NFIB: variants seen among roughly 807,000 people sequenced by gnomAD.
The protein encoded by NFIB is nuclear factor I B, also known as nuclear factor 1 B-type.
Under a neutral mutation model 61.5 loss-of-function variants are expected in NFIB, and 11 were observed. The ratio of observed to expected loss-of-function variants is 0.18; its 90% CI spans 0.11 to 0.30. The LOEUF (loss-of-function observed/expected upper bound fraction) is 0.30. NFIB is among the 10% of genes least tolerant of loss of function. The pLI is 1.00. For synonymous variants in NFIB, 260 were observed against 216.5 expected, an observed-to-expected ratio of 1.20 and a Z score of -1.76; for missense variants, 471 against 608.9, an observed-to-expected ratio of 0.77 and a Z score of 2.38.
At chr9:14,416,580 A>T in the NFIB span, among the ~76,000 whole-genome samples, 9 of 152,202 alleles carry the variant, frequency 5.9e-5, no homozygotes, top group South Asian at 6.2e-4. Flanking sequence ...TAAAGAAAAA[A>T]TTTTTTACAG....
At chr9:14,369,083 C>G (rs1419186089) in intron 1 of NFIB, among the ~76,000 whole-genome samples, 1 of 152,140 alleles carries the variant, frequency 6.6e-6, no homozygotes, top group Non-Finnish European at 1.5e-5. Flanking sequence ...AATTTAAGCT[C>G]TTTGAGGGTA....
At chr9:14,452,030 C>T in the NFIB span, among the ~76,000 whole-genome samples, 2 of 152,172 alleles carry the variant, frequency 1.3e-5, no homozygotes, top group Non-Finnish European at 1.5e-5. Flanking sequence ...TGTCTGCTCT[C>T]ATTTTTCAGG....
At chr9:14,284,148 TTATC>T (rs1174724017) in intron 2 of NFIB, among the ~76,000 whole-genome samples, 5 of 152,204 alleles carry the variant, frequency 3.3e-5, no homozygotes, top group Non-Finnish European at 7.3e-5. Context: ...CTCAATTTCT[TTATC>T]TATTATTTGA....
rs1300494775 is a variant in NFIB at position 14,085,825 on chromosome 9, C to G, written c.*2484G>C. ...AAGGAATACGGGAGACTCCCTCCAA[C>G]AGGTCTAATGTGTTTTCTAGGAGAA... On this transcript the variant is annotated 3_prime_UTR_variant, in exon 11 of 11. Coordinates refer to ENST00000380953, the MANE Select transcript of NFIB (RefSeq NM_001190737.2). The G allele has an allele frequency of 1.8e-5, 4 of 221,926 alleles. No homozygotes were observed. The highest frequency in any genetic ancestry group is 1.3e-4 in the East Asian group (2 of 15,298). The allele number at this position is 221,926 out of a possible 1,614,324, so 13.7% of individuals were successfully genotyped here.
intron 10 of NFIB, chr9:14,096,672 G>A (rs1276441232): frequency 5.3e-5 from 8 of 152,134 alleles, no homozygotes; most frequent in African/African-American, 1.2e-4. Context: ...GGTTTCTCCT[G>A]GTTACCAGAC....
chr9:14,417,843 C>T, the NFIB span, among the ~76,000 whole-genome samples: 3 of 129,614 alleles, frequency 2.3e-5, no homozygotes, highest in African/African-American at 5.8e-5. Context: ...TGCAATGGTG[C>T]GATCTCGGCT....
At chr9:14,243,611 T>TAA (rs140381562) in intron 2 of NFIB, among the ~76,000 whole-genome samples, 228 of 151,504 alleles carry the variant, frequency 1.5e-3, no homozygotes, top group Admixed American at 6.3e-3. Flanking sequence ...GGGTATTTTT[T>TAA]AAAAAAAAAG....
the NFIB span, among the ~76,000 whole-genome samples, chr9:14,481,193 GTGTGTATATATA>G: frequency 3.3e-5 from 1 of 30,488 alleles, no homozygotes; most frequent in African/African-American, 1.9e-4. Context: ...GTGTGTGTGT[GTGTGTATATATA>G]TATATATATA....
intron 2 of NFIB, among the ~76,000 whole-genome samples, chr9:14,239,597 C>A (rs2054147960): frequency 6.6e-6 from 1 of 152,102 alleles, no homozygotes. Flanking sequence ...AGAAAGGAAT[C>A]TCTGTTCTAA....
the NFIB span, among the ~76,000 whole-genome samples, chr9:14,512,933 G>GAA: frequency 0.014 from 1,800 of 128,596 alleles, 26 homozygotes; most frequent in Middle Eastern, 0.026. Context: ...CAAAGCTTTT[G>GAA]AAAAAAAAAA....
chr9:14,271,829 T>C (rs1055309430), intron 2 of NFIB, among the ~76,000 whole-genome samples: 1 of 152,188 alleles, frequency 6.6e-6, no homozygotes, highest in South Asian at 2.1e-4. Flanking sequence ...CTGCCCACAA[T>C]GAACGTGACC....
chr9:14,256,770 G>C (rs2056255972), intron 2 of NFIB, among the ~76,000 whole-genome samples: 1 of 150,758 alleles, frequency 6.6e-6, no homozygotes, highest in Admixed American at 6.6e-5. Flanking sequence ...AGGGTGATCT[G>C]CTCCAACAAT....
chr9:14,474,202 ATT>A, the NFIB span, among the ~76,000 whole-genome samples: 122 of 152,260 alleles, frequency 8.0e-4, no homozygotes, highest in African/African-American at 2.8e-3. Context: ...ATAGAAATGT[ATT>A]TATCATAGTT....
chr9:14,479,464 C>G, the NFIB span, among the ~76,000 whole-genome samples: 5 of 152,170 alleles, frequency 3.3e-5, no homozygotes, highest in African/African-American at 1.2e-4. Context: ...GACAATCTGT[C>G]CATGTCCCCA....
the NFIB span, among the ~76,000 whole-genome samples, chr9:14,487,151 T>C: frequency 6.6e-6 from 1 of 152,194 alleles, no homozygotes; most frequent in Admixed American, 6.5e-5. Flanking sequence ...GGTAATTACA[T>C]TGAAAATTTG....
chr9:14,489,253 G>C, the NFIB span, among the ~76,000 whole-genome samples: 1 of 152,144 alleles, frequency 6.6e-6, no homozygotes, highest in Non-Finnish European at 1.5e-5. Flanking sequence ...TAATAATGAG[G>C]AAATATAACA....
chr9:14,205,033 A>C (rs777468448), intron 2 of NFIB: 1 of 264,156 alleles, frequency 3.8e-6, no homozygotes, highest in Non-Finnish European at 7.6e-6. Flanking sequence ...ACTTGCCACC[A>C]AACTGGGTTA....
chr9:14,163,066 C>G (rs576316382), intron 3 of NFIB, among the ~76,000 whole-genome samples: 7 of 151,924 alleles, frequency 4.6e-5, no homozygotes, highest in Admixed American at 1.3e-4. Flanking sequence ...TTTCTCTTCC[C>G]TAAAATATAG....
the NFIB span, among the ~76,000 whole-genome samples, chr9:14,452,497 G>C: frequency 9.5e-6 from 1 of 105,208 alleles, no homozygotes; most frequent in South Asian, 3.4e-4. Flanking sequence ...GAAAGGAAAG[G>C]AAAGGAAAGG....
Sources: gnomAD v4.1 joint callset for allele counts (sites outside exome capture counted in the v4.1 genomes callset) on GRCh38, gnomAD v4.1.1 for gene constraint, MANE v1.5 for transcripts, NCBI Gene and HGNC (gene_info 2026-07-23, HGNC 2026-07-21) for gene names.